The following DCC variants were observed in gnomAD, a reference collection of about 807,000 sequenced individuals.
The protein encoded by DCC is DCC netrin 1 receptor, also known as netrin receptor DCC.
DCC carries 58 observed loss-of-function variants against 172.5 expected under a neutral mutation model. That is an observed-to-expected ratio of 0.34 (90% CI 0.27 to 0.42). DCC has a LOEUF of 0.42. Ranked by LOEUF, DCC falls within the 10% of genes least tolerant of loss-of-function variation. The probability of loss-of-function intolerance (pLI) is 1.00; values close to 1 mark genes in which losing one functional copy is unlikely to be tolerated. For missense variants in DCC, 1,740 were observed against 1,791.0 expected, an observed-to-expected ratio of 0.97 and a Z score of 0.51; for synonymous variants, 709 against 644.5, an observed-to-expected ratio of 1.10 and a Z score of -1.52.
intron 1 of DCC, among the ~76,000 whole-genome samples, chr18:52,614,053 C>A (rs568440521): frequency 1.3e-5 from 2 of 152,180 alleles, no homozygotes; most frequent in African/African-American, 4.8e-5. Context: ...TTGGTACCAA[C>A]GCTTTCCAAA....
intron 5 of DCC, among the ~76,000 whole-genome samples, chr18:53,051,136 G>C (rs1475440914): frequency 6.6e-6 from 1 of 152,052 alleles, no homozygotes; most frequent in Non-Finnish European, 1.5e-5. Flanking sequence ...AGAGTGACAT[G>C]GGAGGAGCAC....
intron 2 of DCC, among the ~76,000 whole-genome samples, chr18:52,813,137 C>T (rs1301764377): frequency 6.6e-6 from 1 of 151,628 alleles, no homozygotes; most frequent in Non-Finnish European, 1.5e-5. Context: ...TTAATGATCC[C>T]TAATGATCTT....
At chr18:52,569,270 G>T (rs183237067) in intron 1 of DCC, among the ~76,000 whole-genome samples, 1 of 152,124 alleles carries the variant, frequency 6.6e-6, no homozygotes, top group Admixed American at 6.6e-5. Flanking sequence ...TAGTATTGTC[G>T]CTTGCTAGGT....
At chr18:52,655,954 A>ATGTG (rs1313973278) in intron 1 of DCC, among the ~76,000 whole-genome samples, 1 of 91,504 alleles carries the variant, frequency 1.1e-5, no homozygotes, top group African/African-American at 3.9e-5. Context: ...CATTAAATAT[A>ATGTG]TATGTGTGTG....
In DCC at chr18:52,715,681, G is replaced by A. The variant is rs148112657; in HGVS notation, c.92-36373G>A. Among the ~76,000 whole-genome samples, 659 of 152,144 alleles carry A rather than the reference G, an allele frequency of 4.3e-3. 6 individuals are homozygous for A. Among genetic ancestry groups the A allele is most frequent in the African/African-American group, 0.015 (636 of 41,486 alleles). The stretch of plus-strand genomic sequence containing the variant: ...CAGTCCTTTAGCCCCAACTAAAACG[G>A]CACTCCTAAAAGTGAATTGGGTTAG... On this transcript the variant is annotated intron_variant, in intron 1 of 28. Transcript: ENST00000442544.
chr18:52,540,807 T>C (rs1229583212), intron 1 of DCC, among the ~76,000 whole-genome samples: 2 of 151,838 alleles, frequency 1.3e-5, no homozygotes, highest in Non-Finnish European at 2.9e-5. Context: ...GGGGTTTCAC[T>C]GTGTTAGTCA....
intron 1 of DCC, among the ~76,000 whole-genome samples, chr18:52,439,600 C>T (rs965689288): frequency 4.6e-5 from 7 of 152,082 alleles, no homozygotes; most frequent in East Asian, 3.9e-4. Context: ...TTTATGATAA[C>T]GAGGTTTGTT....
At chr18:52,951,447 C>G (rs930640617) in intron 5 of DCC, among the ~76,000 whole-genome samples, 1 of 151,986 alleles carries the variant, frequency 6.6e-6, no homozygotes, top group African/African-American at 2.4e-5. Flanking sequence ...TCCCACCCCC[C>G]GACAGGTCCC....
At chr18:52,657,765 G>A (rs925407316) in intron 1 of DCC, among the ~76,000 whole-genome samples, 1 of 152,106 alleles carries the variant, frequency 6.6e-6, no homozygotes, top group African/African-American at 2.4e-5. Context: ...CCTCATGGAT[G>A]GGGAGAGTAT....
chr18:53,370,983 T>G (rs897641031), intron 15 of DCC, among the ~76,000 whole-genome samples: 1 of 151,958 alleles, frequency 6.6e-6, no homozygotes, highest in African/African-American at 2.4e-5. Flanking sequence ...ACTAAACACT[T>G]CTACCAGTGA....
intron 2 of DCC, chr18:52,816,773 C>G (rs2038307535): frequency 6.6e-6 from 1 of 152,110 alleles, no homozygotes; most frequent in African/African-American, 2.4e-5. Context: ...CTTATATTTC[C>G]TGAAACACCA....
chr18:53,025,252 A>G (rs1361856372), intron 5 of DCC, among the ~76,000 whole-genome samples: 3 of 152,202 alleles, frequency 2.0e-5, no homozygotes, highest in African/African-American at 7.2e-5. Flanking sequence ...TTAAAATGAT[A>G]TCACTAAGCT....
At chr18:53,333,629 G>A (rs1008701532) in intron 14 of DCC, among the ~76,000 whole-genome samples, 1 of 152,182 alleles carries the variant, frequency 6.6e-6, no homozygotes, top group Non-Finnish European at 1.5e-5. Flanking sequence ...GAAGAAGGTA[G>A]GAGATAAGTG....
intron 18 of DCC, among the ~76,000 whole-genome samples, chr18:53,402,277 C>T (rs1451882071): frequency 6.6e-6 from 1 of 151,928 alleles, no homozygotes; most frequent in Non-Finnish European, 1.5e-5. Context: ...GTGGATCCGG[C>T]TACTCAGGAG....
chr18:53,085,465 C>T (rs962405887), intron 7 of DCC, among the ~76,000 whole-genome samples: 1 of 151,888 alleles, frequency 6.6e-6, no homozygotes, highest in Non-Finnish European at 1.5e-5. Context: ...GTAAACAATG[C>T]CAAATTATTA....
intron 1 of DCC, among the ~76,000 whole-genome samples, chr18:52,446,217 G>T (rs1488551139): frequency 6.6e-6 from 1 of 152,122 alleles, no homozygotes; most frequent in Non-Finnish European, 1.5e-5. Flanking sequence ...CACCGTGCCC[G>T]GCCTCCTTAC....
At chr18:53,429,674 T>C (rs1911481841) in intron 21 of DCC, among the ~76,000 whole-genome samples, 1 of 152,088 alleles carries the variant, frequency 6.6e-6, no homozygotes, top group Non-Finnish European at 1.5e-5. Flanking sequence ...TGCATTCCTA[T>C]CCTGCAGATT....
intron 1 of DCC, among the ~76,000 whole-genome samples, chr18:52,392,359 A>G (rs1175394440): frequency 1.3e-5 from 2 of 152,140 alleles, no homozygotes; most frequent in Non-Finnish European, 2.9e-5. Context: ...CAACTCAACC[A>G]ATTAGAAAGC....
intron 5 of DCC, among the ~76,000 whole-genome samples, chr18:53,040,494 GAATC>G (rs2143994945): frequency 6.6e-6 from 1 of 152,056 alleles, no homozygotes; most frequent in African/African-American, 2.4e-5. Flanking sequence ...CTCTGGGTGT[GAATC>G]CAAGGATTCT....
Sources: gnomAD v4.1 joint callset for allele counts (sites outside exome capture counted in the v4.1 genomes callset) on GRCh38, gnomAD v4.1.1 for gene constraint, MANE v1.5 for transcripts, NCBI Gene and HGNC (gene_info 2026-07-23, HGNC 2026-07-21) for gene names.